The following CSMD1 variants were observed in gnomAD, a reference collection of about 807,000 sequenced individuals.
CSMD1 encodes the protein CUB and Sushi multiple domains 1, also known as CUB and sushi domain-containing protein 1.
CSMD1 carries 213 observed loss-of-function variants against 417.5 expected under a neutral mutation model. The observed-to-expected ratio is 0.51, with a 90% CI of 0.46 to 0.57. The LOEUF (loss-of-function observed/expected upper bound fraction) is 0.57. Among genes scored for constraint, CSMD1 ranks in the 20% least tolerant of loss-of-function variants. The probability of loss-of-function intolerance (pLI) is 0.00; values close to 1 mark genes in which losing one functional copy is unlikely to be tolerated. For missense variants in CSMD1, 6,923 were observed against 4,529.7 expected (o/e 1.53, Z -15.17); for synonymous variants, 2,862 against 1,736.8 (o/e 1.65, Z -16.11).
chr8:3,895,479 C>A (rs1026694933), intron 5 of CSMD1, among the ~76,000 whole-genome samples: 1 of 151,936 alleles, frequency 6.6e-6, no homozygotes, highest in Non-Finnish European at 1.5e-5. Flanking sequence ...AAGAAAAAAT[C>A]AATATTATTA....
intron 26 of CSMD1, among the ~76,000 whole-genome samples, chr8:3,281,940 G>C (rs940146868): frequency 6.6e-6 from 1 of 152,034 alleles, no homozygotes; most frequent in African/African-American, 2.4e-5. Flanking sequence ...TTGTTTAAAA[G>C]CACGTAGCAC....
At chr8:4,087,007 C>T (rs17068867) in intron 3 of CSMD1, among the ~76,000 whole-genome samples, 29,004 of 152,126 alleles carry the variant, frequency 0.19, 2,942 homozygotes, top group East Asian at 0.3. Flanking sequence ...ATGGGGATAA[C>T]GCTATGTACA....
At chr8:4,315,137 C>G (rs772486708) in intron 3 of CSMD1, among the ~76,000 whole-genome samples, 3 of 152,180 alleles carry the variant, frequency 2.0e-5, no homozygotes, top group Admixed American at 6.5e-5. Flanking sequence ...ACCACTCATT[C>G]TCTGCCCTCA....
At chr8:3,045,218 G>A (rs968743357) in intron 50 of CSMD1, among the ~76,000 whole-genome samples, 16 of 152,094 alleles carry the variant, frequency 1.1e-4, no homozygotes, top group Admixed American at 1.0e-3. Context: ...TCATGTTACT[G>A]AACATATCAT....
At chr8:4,660,373 C>T (rs1760775620) in intron 1 of CSMD1, among the ~76,000 whole-genome samples, 2 of 151,858 alleles carry the variant, frequency 1.3e-5, no homozygotes, top group South Asian at 4.1e-4. Flanking sequence ...TTGCTGAAAA[C>T]CAGAAAACAC....
chr8:4,387,443 G>T (rs965798151), intron 3 of CSMD1, among the ~76,000 whole-genome samples: 3 of 151,194 alleles, frequency 2.0e-5, no homozygotes, highest in African/African-American at 7.3e-5. Flanking sequence ...GTCAAGATAT[G>T]CTTGGTCTCC....
At chr8:2,957,469 G>A (rs558391288) in intron 63 of CSMD1, among the ~76,000 whole-genome samples, 1 of 152,264 alleles carries the variant, frequency 6.6e-6, no homozygotes, top group East Asian at 1.9e-4. Flanking sequence ...TCCCTCCAGA[G>A]GCTCTGGTTC....
intron 1 of CSMD1, among the ~76,000 whole-genome samples, chr8:4,952,812 G>C (rs1808841102): frequency 6.6e-6 from 1 of 152,066 alleles, no homozygotes; most frequent in Non-Finnish European, 1.5e-5. Flanking sequence ...CTTCTACACA[G>C]TAATCAGCGT....
chr8:4,873,754 G>C (rs551521047), intron 1 of CSMD1, among the ~76,000 whole-genome samples: 7 of 152,154 alleles, frequency 4.6e-5, no homozygotes, highest in African/African-American at 1.7e-4. Flanking sequence ...AAAATATGTA[G>C]CACCTATTTT....
At chr8:3,845,310 G>C (rs1240352009) in intron 5 of CSMD1, among the ~76,000 whole-genome samples, 1 of 152,144 alleles carries the variant, frequency 6.6e-6, no homozygotes, top group Non-Finnish European at 1.5e-5. Context: ...AGGTGGACTA[G>C]CCTACCACAC....
chr8:4,480,095 G>T (rs1585143789), intron 2 of CSMD1, among the ~76,000 whole-genome samples: 1 of 151,264 alleles, frequency 6.6e-6, no homozygotes, highest in East Asian at 1.9e-4. Flanking sequence ...GCTGAACCAT[G>T]ACCAGTTAAA....
At chr8:3,217,335 G>A (rs1366974046) in intron 29 of CSMD1, among the ~76,000 whole-genome samples, 2 of 152,276 alleles carry the variant, frequency 1.3e-5, no homozygotes, top group Non-Finnish European at 2.9e-5. Context: ...TGGCCATACC[G>A]GTTACCCAAA....
rs557192653 is a variant in CSMD1 at position 4,646,730 on chromosome 8, G to T, written c.86-9172C>A. 1.5e-4 allele frequency among the ~76,000 whole-genome samples: 23 copies of T among 152,254 alleles called. 1 individual carries two copies. In the South Asian group the frequency reaches 3.3e-3, roughly 22 times the overall value. Reference sequence around the variant, plus strand: ...TAGAGTTCACCTCCAAAGAGAAATTGAAATGTTAAAAAGTCATACTAAAAC... The same window carrying T: ...TAGAGTTCACCTCCAAAGAGAAATTTAAATGTTAAAAAGTCATACTAAAAC... On this transcript the variant is annotated intron_variant, in intron 1 of 69. Coordinates refer to ENST00000635120, the MANE Select transcript of CSMD1 (RefSeq NM_033225.6).
intron 3 of CSMD1, among the ~76,000 whole-genome samples, chr8:4,408,445 T>A (rs983554574): frequency 9.9e-5 from 15 of 152,226 alleles, no homozygotes; most frequent in Non-Finnish European, 2.2e-4. Context: ...ATTGGGAGAA[T>A]ACAAATAACT....
At position 3,644,077 on chromosome 8, in the gene CSMD1, G is replaced by C. The variant is rs184797340; in HGVS notation, c.1010-27280C>G. The stretch of plus-strand genomic sequence containing the variant: ...TTCCAACTTTTATCTTTAAGAAAGT[G>C]CTCCAGGGCAGCCCTTCTACACCAG... On this transcript the variant is annotated intron_variant, in intron 7 of 69. Coordinates refer to ENST00000635120, the MANE Select transcript of CSMD1 (RefSeq NM_033225.6). Among the ~76,000 whole-genome samples the C allele has an allele frequency of 4.6e-5, 7 of 152,294 alleles. No homozygotes were observed. In the East Asian group the frequency reaches 1.2e-3, roughly 25 times the overall value.
intron 17 of CSMD1, among the ~76,000 whole-genome samples, chr8:3,390,945 G>C (rs955723778): frequency 2.0e-5 from 3 of 152,018 alleles, no homozygotes; most frequent in Non-Finnish European, 2.9e-5. Flanking sequence ...GATAAAGCCA[G>C]TGAGCCAAGA....
At chr8:3,866,164 A>C (rs1472648951) in intron 5 of CSMD1, among the ~76,000 whole-genome samples, 2 of 152,236 alleles carry the variant, frequency 1.3e-5, no homozygotes, top group African/African-American at 4.8e-5. Context: ...TAAGGTTTTA[A>C]TTCACAACTA....
At chr8:4,432,063 A>C (rs953882104) in intron 2 of CSMD1, among the ~76,000 whole-genome samples, 2 of 152,314 alleles carry the variant, frequency 1.3e-5, no homozygotes, top group East Asian at 1.9e-4. Flanking sequence ...TCACAGACTA[A>C]AACAGACAGG....
At chr8:4,144,453 C>G (rs34311916) in intron 3 of CSMD1, among the ~76,000 whole-genome samples, 48,094 of 150,986 alleles carry the variant, frequency 0.32, 9,525 homozygotes, top group Non-Finnish European at 0.41. Context: ...GTTTCAACTG[C>G]TCCATGAGCA....
Sources: gnomAD v4.1 joint callset for allele counts (sites outside exome capture counted in the v4.1 genomes callset) on GRCh38, gnomAD v4.1.1 for gene constraint, MANE v1.5 for transcripts, NCBI Gene and HGNC (gene_info 2026-07-23, HGNC 2026-07-21) for gene names.